The following PRCC variants were observed in gnomAD, a reference collection of about 807,000 sequenced individuals.
PRCC encodes proline rich mitotic checkpoint control factor, also known as proline-rich protein PRCC.
PRCC carries 10 observed loss-of-function variants against 44.0 expected under a neutral mutation model. The ratio of observed to expected loss-of-function variants is 0.23; its 90% CI spans 0.14 to 0.39. The LOEUF (loss-of-function observed/expected upper bound fraction) is 0.39. PRCC is among the 10% of genes least tolerant of loss of function. PRCC has a pLI of 1.00. For synonymous variants in PRCC, 278 were observed against 259.5 expected, an observed-to-expected ratio of 1.07 and a Z score of -0.69; for missense variants, 573 against 624.7, an observed-to-expected ratio of 0.92 and a Z score of 0.88.
chr1:156,800,036 C>CT (rs2102777272), intron 6 of PRCC, among the ~76,000 whole-genome samples: 1 of 152,298 alleles, frequency 6.6e-6, no homozygotes, highest in African/African-American at 2.4e-5. Flanking sequence ...GTCTTCCTCT[C>CT]TAAGAGAGCT....
chr1:156,791,013 C>T (rs1652452408), intron 3 of PRCC: 1 of 1,083,078 alleles, frequency 9.2e-7, no homozygotes, highest in Non-Finnish European at 1.3e-6. Context: ...CTGTGGCTGC[C>T]TGACTTCACC....
At chr1:156,782,176 A>C (rs1652069893) in intron 1 of PRCC, 106 bp from the exon 2 acceptor site, 1 of 1,019,772 alleles carries the variant, frequency 9.8e-7, no homozygotes, top group Non-Finnish European at 1.5e-6. Flanking sequence ...GGTGGGGCAC[A>C]GACAAGATGG....
chr1:156,797,203 C>T (rs1652686741), intron 5 of PRCC, 73 bp from the exon 6 acceptor site: 2 of 1,592,064 alleles, frequency 1.3e-6, no homozygotes, highest in African/African-American at 1.3e-5. Flanking sequence ...CCCCTAACAC[C>T]ACACCATCTG....
chr1:156,794,020 C>T (rs866755461), intron 4 of PRCC, among the ~76,000 whole-genome samples: 1 of 143,360 alleles, frequency 7.0e-6, no homozygotes, highest in Non-Finnish European at 1.5e-5. Context: ...TGCAATGGTG[C>T]GATCTCGGCT....
chr1:156,773,157 G>A (rs554130306), intron 1 of PRCC, among the ~76,000 whole-genome samples: 1 of 152,292 alleles, frequency 6.6e-6, no homozygotes, highest in Admixed American at 6.5e-5. Context: ...TTGGAGCCCC[G>A]GGGTGTGGTG....
intron 1 of PRCC, among the ~76,000 whole-genome samples, chr1:156,775,804 C>T (rs945611669): frequency 3.3e-5 from 5 of 152,086 alleles, no homozygotes; most frequent in East Asian, 1.9e-4. Context: ...CCACCGCACC[C>T]GGCTAATTTT....
intron 1 of PRCC, among the ~76,000 whole-genome samples, chr1:156,776,083 C>T (rs1651817918): frequency 6.6e-6 from 1 of 152,194 alleles, no homozygotes; most frequent in African/African-American, 2.4e-5. Context: ...GCTGGGTGTG[C>T]AGTGGCTCAT....
chr1:156,777,075 A>G (rs922953438), intron 1 of PRCC, among the ~76,000 whole-genome samples: 4 of 152,192 alleles, frequency 2.6e-5, no homozygotes, highest in African/African-American at 9.6e-5. Flanking sequence ...TGGTTGTGAC[A>G]TGGGTAAGTA....
intron 5 of PRCC, 95 bp from the exon 6 acceptor site, chr1:156,797,181 T>C (rs1326925204): frequency 1.4e-6 from 2 of 1,455,816 alleles, no homozygotes; most frequent in Non-Finnish European, 1.9e-6. Context: ...GGCTGTGGAA[T>C]TGGCTTCTCA....
At chr1:156,791,424 A>C in intron 3 of PRCC, 1 of 500,490 alleles carries the variant, frequency 2.0e-6, no homozygotes, top group Non-Finnish European at 3.6e-6. Flanking sequence ...TATAGATTGA[A>C]GCAGGAGAGA....
Position 156,794,621 on chromosome 1 carries a change from AC to A in PRCC, c.1180-41del, listed in dbSNP as rs3831128. The A allele has an allele frequency of 8.2e-4, 1,324 of 1,608,542 alleles. 15 individuals are homozygous for A. The East Asian group carries it at 0.02, about 25-fold the overall frequency. On this transcript the variant is annotated intron_variant, in intron 4 of 6. Coordinates refer to ENST00000271526, the MANE Select transcript of PRCC (RefSeq NM_005973.5). ...TGGCTCTTTAGTGGCATCTGCTGAC[AC>A]CCTTGCCCAGATTCCTGACTCCTGC...
intron 1 of PRCC, among the ~76,000 whole-genome samples, chr1:156,780,401 T>A (rs1652013360): frequency 6.6e-6 from 1 of 151,634 alleles, no homozygotes; most frequent in South Asian, 2.1e-4. Flanking sequence ...TAAATTTATT[T>A]TAAATTTTTT....
At chr1:156,790,492 A>G (rs1177024380) in intron 3 of PRCC, among the ~76,000 whole-genome samples, 1 of 152,242 alleles carries the variant, frequency 6.6e-6, no homozygotes, top group Non-Finnish European at 1.5e-5. Flanking sequence ...GCGTGCTGGC[A>G]TGCGCCTGTA....
intron 1 of PRCC, among the ~76,000 whole-genome samples, chr1:156,779,827 C>T (rs541689289): frequency 2.1e-4 from 32 of 151,622 alleles, no homozygotes; most frequent in Non-Finnish European, 3.7e-4. Flanking sequence ...AGTGATTCTC[C>T]AATTTTGGAG....
chr1:156,774,552 T>C (rs1353729892), intron 1 of PRCC, among the ~76,000 whole-genome samples: 1 of 152,078 alleles, frequency 6.6e-6, no homozygotes, highest in Non-Finnish European at 1.5e-5. Flanking sequence ...TGTGTCTCGA[T>C]TATGGCTTAC....
intron 3 of PRCC, among the ~76,000 whole-genome samples, chr1:156,789,896 T>C (rs1174936929): frequency 6.6e-6 from 1 of 152,260 alleles, no homozygotes; most frequent in Non-Finnish European, 1.5e-5. Context: ...AGATTTGATG[T>C]GTATGGCCCC....
At chr1:156,790,428 G>A (rs1322843175) in intron 3 of PRCC, among the ~76,000 whole-genome samples, 1 of 152,166 alleles carries the variant, frequency 6.6e-6, no homozygotes, top group Non-Finnish European at 1.5e-5. Flanking sequence ...TTCAAGACCA[G>A]CCTGACCAAT....
In PRCC at chr1:156,770,159, G is replaced by A. The variant is rs997482672; in HGVS notation, c.468+1920G>A. ...GAATCTGCCATTTGGGTTGGCTGAG[G>A]TGGCAGAAAACTCTGAAGACTAACA... On this transcript the variant is annotated intron_variant, in intron 1 of 6. Transcript: ENST00000271526. Among the ~76,000 whole-genome samples the A allele has an allele frequency of 3.3e-5, 5 of 152,344 alleles. No individual in the cohort carries two copies. In the South Asian group the frequency reaches 1.0e-3, roughly 32 times the overall value.
chr1:156,771,184 G>C (rs1457034867), intron 1 of PRCC, among the ~76,000 whole-genome samples: 3 of 152,198 alleles, frequency 2.0e-5, no homozygotes, highest in African/African-American at 4.8e-5. Context: ...GAGGGACAGT[G>C]CTTTCAGGGA....
Sources: gnomAD v4.1 joint callset for allele counts (sites outside exome capture counted in the v4.1 genomes callset) on GRCh38, gnomAD v4.1.1 for gene constraint, MANE v1.5 for transcripts, NCBI Gene and HGNC (gene_info 2026-07-23, HGNC 2026-07-21) for gene names.